Variants in PRDM10 observed in about 807,000 individuals in gnomAD.
PRDM10 encodes PR domain zinc finger protein 10.
In PRDM10, 65 loss-of-function variants were observed where a neutral mutation model predicts 133.1. The observed-to-expected ratio is 0.49, with a 90% CI of 0.40 to 0.60. The LOEUF is 0.60. Ranked by LOEUF, PRDM10 falls within the 20% of genes least tolerant of loss-of-function variation. PRDM10 has a pLI of 0.00. For missense variants in PRDM10, 1,137 were observed against 1,507.1 expected, an observed-to-expected ratio of 0.75 and a Z score of 4.07; for synonymous variants, 582 against 580.4, an observed-to-expected ratio of 1.00 and a Z score of -0.04.
chr11:129,980,419 C>T (rs1018934418), intron 1 of PRDM10, among the ~76,000 whole-genome samples: 3 of 152,018 alleles, frequency 2.0e-5, no homozygotes, highest in Non-Finnish European at 4.4e-5. Flanking sequence ...TGTTGTGAAC[C>T]GTGCATGTGA....
At chr11:129,958,016 G>T in intron 2 of PRDM10, 106 bp from the exon 3 acceptor site, 1 of 1,267,860 alleles carries the variant, frequency 7.9e-7, no homozygotes, top group Non-Finnish European at 1.1e-6. Flanking sequence ...GAATGGGGAT[G>T]GATACACCTT....
At chr11:129,961,188 C>T (rs555255531) in intron 1 of PRDM10, 106 bp from the exon 2 acceptor site, 17 of 466,770 alleles carry the variant, frequency 3.6e-5, no homozygotes, top group Non-Finnish European at 5.3e-5. Flanking sequence ...CAAAAAGCAA[C>T]ACGCCTGGGC....
chr11:129,982,218 C>T (rs75434946), intron 1 of PRDM10, among the ~76,000 whole-genome samples: 10,344 of 152,036 alleles, frequency 0.068, 660 homozygotes, highest in East Asian at 0.36. Flanking sequence ...GTGATGGTAC[C>T]ACTGCACTCT....
In PRDM10 at chr11:129,918,518, C is replaced by G; in HGVS notation, c.2214+21G>C. On this transcript the variant is annotated intron_variant, in intron 14 of 20. Coordinates refer to ENST00000360871, the MANE Select transcript of PRDM10 (RefSeq NM_199437.2). This position sits in a 1 kb window ranked among gnomAD's most constrained non-coding sequence, Gnocchi z 5.3. ...AGGTATGCTGGGAAGACAGAGGAAC[C>G]CGCAGCCACTGGGCACTGACCAGCA... The G allele has an allele frequency of 1.9e-6, 3 of 1,606,978 alleles. No individual in the cohort carries two copies. Among genetic ancestry groups the G allele is most frequent in the Non-Finnish European group, 1.7e-6 (2 of 1,176,126 alleles).
rs775086760 is a variant in PRDM10 at position 129,910,624 on chromosome 11, C to T, written c.3015G>A (p.Gln1005=). ...VSGQPLSPSA[Q]QAQQGLSPSH... is the part of the protein sequence containing the mutation. ...AGGGGCTGAGCCCCTGCTGAGCCTGCTGGGCTGAGGGACTCAACGGCTGCC... is the reference window on the plus strand; with the variant it reads ...AGGGGCTGAGCCCCTGCTGAGCCTGTTGGGCTGAGGGACTCAACGGCTGCC... The change falls in exon 19 of 21, where the codon CAG becomes CAA. Residue 1005 remains glutamine (Q), a synonymous_variant. Transcript: ENST00000360871. 6.2e-7 allele frequency: 1 copy of T among 1,604,632 alleles called. No homozygotes were observed. Among genetic ancestry groups the T allele is most frequent in the Non-Finnish European group, 8.5e-7 (1 of 1,174,298 alleles).
At chr11:129,935,360 T>C (rs1474834850) in intron 8 of PRDM10, 142 bp from the exon 9 acceptor site, 2 of 611,498 alleles carry the variant, frequency 3.3e-6, no homozygotes, top group Non-Finnish European at 2.9e-6. Context: ...TGCATTACTG[T>C]TCTATCAAAT....
At position 129,957,558 on chromosome 11, in the gene PRDM10, C is replaced by A. The variant is rs143683398; in HGVS notation, c.234+188G>T. ...GGTCTTGAACTCCTGACCTCATGATCCACCTGCCTCGGCCTCCCAAAGTGC... is the reference window on the plus strand; with the variant it reads ...GGTCTTGAACTCCTGACCTCATGATACACCTGCCTCGGCCTCCCAAAGTGC... On this transcript the variant is annotated intron_variant, in intron 3 of 20. Transcript: ENST00000360871. Among the ~76,000 whole-genome samples, 830 of 152,268 alleles carry A rather than the reference C, an allele frequency of 5.5e-3. 12 individuals are homozygous for A. Among genetic ancestry groups the A allele is most frequent in the African/African-American group, 0.019 (784 of 41,550 alleles).
chr11:129,918,516 A>C lies in PRDM10; in HGVS notation c.2214+23T>G, dbSNP rs1285633631. ...TGAGGTATGCTGGGAAGACAGAGGAACCCGCAGCCACTGGGCACTGACCAG... is the reference window on the plus strand; with the variant it reads ...TGAGGTATGCTGGGAAGACAGAGGACCCCGCAGCCACTGGGCACTGACCAG... On this transcript the variant is annotated intron_variant, in intron 14 of 20. Transcript: ENST00000360871. This position sits in a 1 kb window ranked among gnomAD's most constrained non-coding sequence, Gnocchi z 5.3. 1 of 1,606,674 alleles carries C rather than the reference A, an allele frequency of 6.2e-7. No individual in the cohort carries two copies. Among genetic ancestry groups the C allele is most frequent in the African/African-American group, 1.3e-5 (1 of 74,730 alleles).
At chr11:129,919,674 G>C (rs2135764118) in intron 13 of PRDM10, among the ~76,000 whole-genome samples, 1 of 152,180 alleles carries the variant, frequency 6.6e-6, no homozygotes. Flanking sequence ...TTCTGCTCTG[G>C]GACACATGAA....
intron 4 of PRDM10, among the ~76,000 whole-genome samples, chr11:129,950,821 G>T (rs560162941): frequency 1.3e-5 from 2 of 152,130 alleles, no homozygotes; most frequent in African/African-American, 2.4e-5. Flanking sequence ...TAGTAAAACC[G>T]CGATGTATTT....
At chr11:129,977,988 A>C (rs887392551) in intron 1 of PRDM10, among the ~76,000 whole-genome samples, 1 of 151,562 alleles carries the variant, frequency 6.6e-6, no homozygotes, top group East Asian at 1.9e-4. Flanking sequence ...AGAAAGAAAG[A>C]AAGCAGGAAA....
In PRDM10 at chr11:129,945,215, A is replaced by C. The variant is rs1951366973; in HGVS notation, c.521-203T>G. On this transcript the variant is annotated intron_variant, in intron 5 of 20. Transcript: ENST00000360871. This position sits in a 1 kb window ranked among gnomAD's most constrained non-coding sequence, Gnocchi z 4.2. ...CTGTAATTCTCCTCTAAAATCAGACAGAATTTGCTTATGCCTGCCAAAAAC... is the reference window on the plus strand; with the variant it reads ...CTGTAATTCTCCTCTAAAATCAGACCGAATTTGCTTATGCCTGCCAAAAAC... Among the ~76,000 whole-genome samples, 1 of 152,226 alleles carries C rather than the reference A, an allele frequency of 6.6e-6. No individual in the cohort carries two copies. Among genetic ancestry groups the C allele is most frequent in the Admixed American group, 6.5e-5 (1 of 15,276 alleles).
At chr11:129,999,450 AAAAC>A (rs1255176021) in intron 1 of PRDM10, among the ~76,000 whole-genome samples, 6 of 152,210 alleles carry the variant, frequency 3.9e-5, no homozygotes, top group South Asian at 2.1e-4. Context: ...CTGCTTGTGA[AAAAC>A]AAATTGCTGG....
Position 129,924,868 on chromosome 11 carries a change from T to C in PRDM10, c.1878+14A>G, listed in dbSNP as rs777037016. On this transcript the variant is annotated intron_variant, in intron 12 of 20. Coordinates refer to ENST00000360871, the MANE Select transcript of PRDM10 (RefSeq NM_199437.2). ...AGAAGGAAGCAGACAGGAATCTCAG[T>C]AGTAGACACTCACCTGGATAAAATC... is the stretch of plus-strand genomic sequence containing the variant. The C allele has an allele frequency of 6.4e-6, 10 of 1,571,544 alleles. No individual in the cohort carries two copies. Among genetic ancestry groups the C allele is most frequent in the Non-Finnish European group, 8.6e-6 (10 of 1,160,056 alleles).
At chr11:129,985,349 G>A (rs1938352420) in intron 1 of PRDM10, among the ~76,000 whole-genome samples, 1 of 151,878 alleles carries the variant, frequency 6.6e-6, no homozygotes. Context: ...GAGCTGAAAA[G>A]AACAAACAAC....
chr11:129,931,127 T>C lies in PRDM10; in HGVS notation c.1419A>G (p.Glu473=), dbSNP rs80125038. 8.1e-4 allele frequency: 1,309 copies of C among 1,614,214 alleles called. 7 individuals are homozygous for C. In the African/African-American group the frequency reaches 0.012, roughly 14 times the overall value. Residue 473 remains glutamate (E), a synonymous_variant, in exon 11 of 21, where the codon GAA becomes GAG. Transcript: ENST00000360871. ...QLPQETQSSL[E]HEPETHTLHL... is the part of the protein sequence containing the mutation. ...GCAGGGTGTGAGTTTCTGGTTCATG[T>C]TCCAGGGAAGACTGGGTTTCCTGTG... is the stretch of plus-strand genomic sequence containing the variant.
chr11:129,980,399 G>C (rs1389533084), intron 1 of PRDM10, among the ~76,000 whole-genome samples: 1 of 152,144 alleles, frequency 6.6e-6, no homozygotes, highest in African/African-American at 2.4e-5. Context: ...TCTCATAGGA[G>C]CAGGGACCCT....
chr11:129,952,173 A>C (rs1200425593), intron 4 of PRDM10, among the ~76,000 whole-genome samples: 1 of 152,240 alleles, frequency 6.6e-6, no homozygotes, highest in African/African-American at 2.4e-5. Flanking sequence ...TGAAACAAGC[A>C]GATTGTTTCT....
In PRDM10 at chr11:129,900,861, C is replaced by T. The variant is rs760253995; in HGVS notation, c.*1452G>A. ...TCAGAAATAAAGTGCGAAATCTACA[C>T]ATCAATAAAGTTCTTTTAACAGAAT... is the stretch of plus-strand genomic sequence containing the variant. On this transcript the variant is annotated 3_prime_UTR_variant, in exon 21 of 21. Transcript: ENST00000360871. 5.2e-5 allele frequency: 8 copies of T among 152,584 alleles called. No homozygotes were observed. Among genetic ancestry groups the T allele is most frequent in the Admixed American group, 4.6e-4 (7 of 15,286 alleles). The allele number at this position is 152,584 out of a possible 1,614,324, so 9.5% of individuals were successfully genotyped here.
Sources: gnomAD v4.1 joint callset for allele counts (sites outside exome capture counted in the v4.1 genomes callset) on GRCh38, gnomAD v4.1.1 for gene constraint, Gnocchi (gnomAD v3.1) non-coding constraint, MANE v1.5 for transcripts, NCBI Gene and HGNC (gene_info 2026-07-23, HGNC 2026-07-21) for gene names.